Variants in FRK observed in about 807,000 individuals in gnomAD.
FRK encodes fyn related Src family tyrosine kinase, also known as tyrosine-protein kinase FRK.
In FRK, 51 loss-of-function variants were observed where a neutral mutation model predicts 56.4. The ratio of observed to expected loss-of-function variants is 0.90; its 90% confidence interval spans 0.72 to 1.14. FRK has a LOEUF of 1.14. Among genes scored for constraint, FRK ranks in the 50% most tolerant of loss-of-function variants. FRK has a pLI of 0.00. For synonymous variants in FRK, 245 were observed against 217.9 expected, an observed-to-expected ratio of 1.12 and a Z score of -1.10; for missense variants, 570 against 601.4, an observed-to-expected ratio of 0.95 and a Z score of 0.55.
In FRK at chr6:116,046,786, G is replaced by T. The variant is rs189547829; in HGVS notation, c.344+13182C>A. ...CCCAGAACTTAAAGTATAATAATAAGAAGAAGAATAAACATTCCTTGAATA... is the reference window on the plus strand; with the variant it reads ...CCCAGAACTTAAAGTATAATAATAATAAGAAGAATAAACATTCCTTGAATA... On this transcript the variant is annotated intron_variant, in intron 1 of 7. Transcript: ENST00000606080. 3.7e-3 allele frequency among the ~76,000 whole-genome samples: 535 copies of T among 144,112 alleles called. 3 individuals are homozygous for T. Among genetic ancestry groups the T allele is most frequent in the African/African-American group, 0.014 (488 of 34,362 alleles). 94.5% of individuals were successfully genotyped at this position (144,112 alleles called of 152,430 possible).
At chr6:115,946,516 G>C (rs949695854) in intron 5 of FRK, among the ~76,000 whole-genome samples, 2 of 152,146 alleles carry the variant, frequency 1.3e-5, no homozygotes, top group African/African-American at 4.8e-5. Flanking sequence ...CATGGAACTT[G>C]CTAAGCTAGA....
rs542660612 is a variant in FRK at position 116,056,473 on chromosome 6, CA to C, written c.344+3494del. 2.0e-4 allele frequency among the ~76,000 whole-genome samples: 30 copies of C among 151,972 alleles called. No homozygotes were observed. In the South Asian group the frequency reaches 3.9e-3, roughly 20 times the overall value. ...CTGGACACAGGTGATCCTCCCTAAG[CA>C]AAAAAACTTTTTAAACTCTTTGCAG... On this transcript the variant is annotated intron_variant, in intron 1 of 7. Coordinates refer to ENST00000606080, the MANE Select transcript of FRK (RefSeq NM_002031.3).
At chr6:115,984,766 A>C (rs1021087672) in intron 2 of FRK, among the ~76,000 whole-genome samples, 2 of 152,004 alleles carry the variant, frequency 1.3e-5, no homozygotes, top group African/African-American at 4.8e-5. Context: ...AAAAAAAAAA[A>C]AAAACTCCAA....
Position 115,942,356 on chromosome 6 carries a change from G to T in FRK, c.*58C>A. 7.3e-7 allele frequency: 1 copy of T among 1,360,812 alleles called. No individual in the cohort carries two copies. The allele number at this position is 1,360,812 out of a possible 1,614,324, so 84.3% of individuals were successfully genotyped here. A position where few individuals can be genotyped will look rare whatever the true frequency, so the allele number is the denominator to read the frequency against. On this transcript the variant is annotated 3_prime_UTR_variant, in exon 8 of 8. Coordinates refer to ENST00000606080, the MANE Select transcript of FRK (RefSeq NM_002031.3). ...CAGTTGGTTGATAACATTGTATTTTGGAATGGATTATTTGAATTTGTTTTG... is the reference window on the plus strand; with the variant it reads ...CAGTTGGTTGATAACATTGTATTTTTGAATGGATTATTTGAATTTGTTTTG...
chr6:116,072,803 A>G, the FRK span, among the ~76,000 whole-genome samples: 1 of 152,186 alleles, frequency 6.6e-6, no homozygotes, highest in Non-Finnish European at 1.5e-5. Flanking sequence ...ATACTAACTG[A>G]TAACCTAGAT....
At chr6:116,059,667 AG>A (rs1345265583) in intron 1 of FRK, among the ~76,000 whole-genome samples, 6 of 152,352 alleles carry the variant, frequency 3.9e-5, no homozygotes, top group Admixed American at 3.9e-4. Flanking sequence ...GTGAGGCATG[AG>A]TTATTTTACA....
rs148677068 is a variant in FRK at position 116,060,075 on chromosome 6, C to A, written c.237G>T (p.Trp79Cys). The change falls in exon 1 of 8, where the codon TGG becomes TGT. Residue 79 changes from tryptophan to cysteine, a missense_variant. Transcript: ENST00000606080. ...TTTTCTCCAAGTGTCTGGCAAACCA[C>A]CAGCCCTCATGCAAAGTGTCCAGAA... The part of the protein sequence containing the change: ...LQVLDTLHEG[W>C]WFARHLEKRR... 2 of 1,614,150 alleles carry A rather than the reference C, an allele frequency of 1.2e-6. No homozygotes were observed. Among genetic ancestry groups the A allele is most frequent in the Non-Finnish European group, 1.7e-6 (2 of 1,180,028 alleles).
intron 4 of FRK, among the ~76,000 whole-genome samples, chr6:115,960,065 C>A (rs942053033): frequency 3.3e-5 from 5 of 152,140 alleles, no homozygotes; most frequent in African/African-American, 1.2e-4. Flanking sequence ...ATAGGAACAG[C>A]TCCTGTCTAC....
At chr6:116,022,036 TAAC>T (rs1052720332) in intron 1 of FRK, among the ~76,000 whole-genome samples, 15 of 151,874 alleles carry the variant, frequency 9.9e-5, no homozygotes, top group African/African-American at 2.2e-4. Context: ...AAAAAAATGT[TAAC>T]AACCATAGGA....
chr6:116,051,014 A>C (rs1382650331), intron 1 of FRK, among the ~76,000 whole-genome samples: 2 of 152,174 alleles, frequency 1.3e-5, no homozygotes, highest in African/African-American at 4.8e-5. Context: ...ATGTGAGATC[A>C]AAATAGCATT....
At chr6:116,014,155 C>T (rs1775566497) in intron 1 of FRK, among the ~76,000 whole-genome samples, 1 of 152,090 alleles carries the variant, frequency 6.6e-6, no homozygotes, top group African/African-American at 2.4e-5. Flanking sequence ...TCATTACCTA[C>T]AAGGTACTAA....
At chr6:116,080,727 CAT>C in the FRK span, among the ~76,000 whole-genome samples, 1 of 152,128 alleles carries the variant, frequency 6.6e-6, no homozygotes, top group East Asian at 1.9e-4. Context: ...GGCAAAGAAA[CAT>C]AGAAGGACTT....
upstream of FRK, among the ~76,000 whole-genome samples, chr6:116,061,430 A>ACACG (rs1330874111): frequency 4.6e-5 from 7 of 151,712 alleles, no homozygotes; most frequent in African/African-American, 1.7e-4. Flanking sequence ...ACACACACAC[A>ACACG]CACGCTACAC....
Position 115,984,896 on chromosome 6 carries a change from C to CT in FRK, c.467-16158dup, listed in dbSNP as rs570952822. Among the ~76,000 whole-genome samples the CT allele has an allele frequency of 9.9e-5, 15 of 152,110 alleles. No individual in the cohort carries two copies. In the South Asian group the frequency reaches 3.1e-3, roughly 32 times the overall value. On this transcript the variant is annotated intron_variant, in intron 2 of 7. Coordinates refer to ENST00000606080, the MANE Select transcript of FRK (RefSeq NM_002031.3). Reference sequence around the variant, plus strand: ...AATTTAGAGATCTTCATTTGGAGATCTTAATTTAGAGAGCTCATGGAGCAT... The same window carrying CT: ...AATTTAGAGATCTTCATTTGGAGATCTTTAATTTAGAGAGCTCATGGAGCAT...
intron 1 of FRK, among the ~76,000 whole-genome samples, chr6:116,059,349 C>A (rs1340011948): frequency 1.3e-5 from 2 of 152,014 alleles, no homozygotes; most frequent in Non-Finnish European, 2.9e-5. Context: ...AGTTTCTAAT[C>A]ATAATAAAAA....
chr6:116,013,977 A>C (rs1008830120), intron 1 of FRK, among the ~76,000 whole-genome samples: 1 of 152,208 alleles, frequency 6.6e-6, no homozygotes, highest in Non-Finnish European at 1.5e-5. Context: ...GCTATAGCAC[A>C]CACACACACC....
At chr6:116,031,123 T>A (rs1294707037) in intron 1 of FRK, among the ~76,000 whole-genome samples, 2 of 152,058 alleles carry the variant, frequency 1.3e-5, no homozygotes, top group Non-Finnish European at 2.9e-5. Context: ...ATAAAAAGTG[T>A]AAGAAAGTCT....
chr6:116,086,422 T>G, the FRK span, among the ~76,000 whole-genome samples: 1 of 152,208 alleles, frequency 6.6e-6, no homozygotes, highest in Non-Finnish European at 1.5e-5. Context: ...AAGTAAGTGC[T>G]GCTGGGTAAG....
chr6:115,950,013 C>G (rs1458245139), intron 5 of FRK, among the ~76,000 whole-genome samples: 1 of 152,162 alleles, frequency 6.6e-6, no homozygotes, highest in African/African-American at 2.4e-5. Context: ...CTTCCTTACA[C>G]CTTGTACAAA....
Sources: allele counts gnomAD v4.1 joint callset (sites outside exome capture counted in the v4.1 genomes callset), GRCh38; gene constraint gnomAD v4.1.1; transcripts MANE v1.5; gene names NCBI Gene and HGNC (gene_info 2026-07-23, HGNC 2026-07-21).